Variants in DIAPH3 observed in about 807,000 individuals in gnomAD.
DIAPH3 encodes the protein protein diaphanous homolog 3.
Under a neutral mutation model 144.3 loss-of-function variants are expected in DIAPH3, and 117 were observed. That is an observed-to-expected ratio of 0.81 (90% CI 0.70 to 0.95). The LOEUF is 0.95. DIAPH3 is among the 40% of genes least tolerant of loss of function. DIAPH3 has a pLI of 0.00. For missense variants in DIAPH3, 1,421 were observed against 1,412.7 expected (o/e 1.01, Z -0.09); for synonymous variants, 519 against 488.9 (o/e 1.06, Z -0.81).
chr13:59,868,056 T>C (rs2044036151), intron 21 of DIAPH3, among the ~76,000 whole-genome samples: 1 of 152,062 alleles, frequency 6.6e-6, no homozygotes, highest in South Asian at 2.1e-4. Context: ...GCAGTGAGAC[T>C]GGCACTTTCA....
chr13:60,045,347 A>T (rs1197105552), intron 4 of DIAPH3, among the ~76,000 whole-genome samples: 1 of 152,166 alleles, frequency 6.6e-6, no homozygotes, highest in African/African-American at 2.4e-5. Flanking sequence ...TCTCAAAAAA[A>T]AAATAAAAAT....
At chr13:59,731,108 A>G (rs1341009214) in intron 27 of DIAPH3, among the ~76,000 whole-genome samples, 1 of 152,170 alleles carries the variant, frequency 6.6e-6, no homozygotes, top group Non-Finnish European at 1.5e-5. Flanking sequence ...TGTAGCTTGA[A>G]TGTGACTAAG....
intron 27 of DIAPH3, among the ~76,000 whole-genome samples, chr13:59,681,690 T>C (rs1258116015): frequency 6.6e-6 from 1 of 152,144 alleles, no homozygotes; most frequent in Non-Finnish European, 1.5e-5. Flanking sequence ...AGTGCCAGGT[T>C]TGCACAAAGT....
chr13:60,162,487 CA>C (rs1952338125), intron 1 of DIAPH3, among the ~76,000 whole-genome samples: 1 of 152,102 alleles, frequency 6.6e-6, no homozygotes, highest in African/African-American at 2.4e-5. Context: ...AGATAATGAT[CA>C]AGTCCATACT....
intron 25 of DIAPH3, among the ~76,000 whole-genome samples, chr13:59,802,439 CAAT>C (rs1156849489): frequency 6.6e-6 from 1 of 150,986 alleles, no homozygotes; most frequent in Non-Finnish European, 1.5e-5. Flanking sequence ...ATTTACTTAT[CAAT>C]TATTATTTAT....
At chr13:60,145,005 A>T (rs573775674) in intron 1 of DIAPH3, 30 of 152,320 alleles carry the variant, frequency 2.0e-4, no homozygotes, top group African/African-American at 5.8e-4. Flanking sequence ...TACCCATATG[A>T]TACAGCCCAC....
At chr13:60,131,951 T>C (rs1014859220) in intron 2 of DIAPH3, among the ~76,000 whole-genome samples, 1 of 152,210 alleles carries the variant, frequency 6.6e-6, no homozygotes, top group Non-Finnish European at 1.5e-5. Context: ...ACTTAATCTG[T>C]CTGAGCCTCA....
chr13:59,810,664 G>C, intron 25 of DIAPH3, 124 bp downstream of exon 25: 1 of 1,049,122 alleles, frequency 9.5e-7, no homozygotes, highest in Non-Finnish European at 1.4e-6. Flanking sequence ...ATTGTTCTAT[G>C]GTTTAATTAC....
At chr13:59,946,863 A>T (rs1390509445) in intron 17 of DIAPH3, among the ~76,000 whole-genome samples, 1 of 152,184 alleles carries the variant, frequency 6.6e-6, no homozygotes, top group Non-Finnish European at 1.5e-5. Flanking sequence ...AAGGGAAAAA[A>T]ACTCTTAAGA....
At chr13:59,955,797 G>A (rs1025863076) in intron 17 of DIAPH3, among the ~76,000 whole-genome samples, 3 of 152,288 alleles carry the variant, frequency 2.0e-5, no homozygotes, top group South Asian at 4.1e-4. Context: ...CAGTAATATT[G>A]ACAATAAACT....
chr13:59,670,066 A>C (rs906148425), intron 27 of DIAPH3, among the ~76,000 whole-genome samples: 1 of 152,190 alleles, frequency 6.6e-6, no homozygotes, highest in Non-Finnish European at 1.5e-5. Context: ...TTTGGAGACA[A>C]AGGTAAATAA....
chr13:60,100,482 A>C (rs1339215491), intron 3 of DIAPH3, among the ~76,000 whole-genome samples: 3 of 152,196 alleles, frequency 2.0e-5, no homozygotes, highest in Admixed American at 6.5e-5. Context: ...AAGAAAAAAA[A>C]GACATGGGTG....
intron 17 of DIAPH3, among the ~76,000 whole-genome samples, chr13:59,959,863 T>G (rs1438234305): frequency 6.6e-6 from 1 of 152,196 alleles, no homozygotes; most frequent in Non-Finnish European, 1.5e-5. Flanking sequence ...AGGCCATTTG[T>G]GAGCATAATG....
chr13:59,770,970 A>G (rs2038087962), intron 27 of DIAPH3, among the ~76,000 whole-genome samples: 1 of 152,146 alleles, frequency 6.6e-6, no homozygotes, highest in Non-Finnish European at 1.5e-5. Context: ...TTGTAACCAA[A>G]GTGTTTTTGG....
intron 25 of DIAPH3, among the ~76,000 whole-genome samples, chr13:59,777,035 C>T (rs1407962904): frequency 6.6e-6 from 1 of 152,132 alleles, no homozygotes; most frequent in African/African-American, 2.4e-5. Flanking sequence ...GTCCTAAAAT[C>T]TTCGTTTCTA....
intron 14 of DIAPH3, among the ~76,000 whole-genome samples, chr13:59,978,331 T>C (rs2050788665): frequency 6.6e-6 from 1 of 151,654 alleles, no homozygotes; most frequent in South Asian, 2.1e-4. Flanking sequence ...TCATTTTCTC[T>C]TTTTGACAAC....
At chr13:59,961,769 G>T (rs1406897262) in intron 17 of DIAPH3, among the ~76,000 whole-genome samples, 1 of 152,140 alleles carries the variant, frequency 6.6e-6, no homozygotes. Context: ...ACCGAAGAAT[G>T]TAACTTTCTT....
intron 4 of DIAPH3, among the ~76,000 whole-genome samples, chr13:60,083,215 A>C (rs983806682): frequency 2.6e-5 from 4 of 152,058 alleles, no homozygotes; most frequent in African/African-American, 9.7e-5. Flanking sequence ...GTAACACATC[A>C]ATTTTTAATG....
intron 4 of DIAPH3, among the ~76,000 whole-genome samples, chr13:60,087,860 A>G (rs2057800348): frequency 6.6e-6 from 1 of 152,146 alleles, no homozygotes; most frequent in Non-Finnish European, 1.5e-5. Flanking sequence ...GGGATGGGCT[A>G]TCCTTCGATA....
Sources: allele counts gnomAD v4.1 joint callset (sites outside exome capture counted in the v4.1 genomes callset), GRCh38; gene constraint gnomAD v4.1.1; transcripts MANE v1.5; gene names NCBI Gene and HGNC (gene_info 2026-07-23, HGNC 2026-07-21).